The following MUC5AC variants were observed in gnomAD, a reference collection of about 807,000 sequenced individuals.
MUC5AC encodes mucin 5AC, oligomeric mucus/gel-forming, also known as mucin-5AC.
A neutral mutation model predicts 169.7 loss-of-function variants in MUC5AC; 158 were observed. That is an observed-to-expected ratio of 0.93 (90% CI 0.82 to 1.06). The LOEUF is 1.06. Among genes scored for constraint, MUC5AC ranks in the 50% least tolerant of loss-of-function variants. The pLI is 0.00. For synonymous variants in MUC5AC, 1,975 were observed against 1,237.0 expected (o/e 1.60, Z -12.52); for missense variants, 4,359 against 3,089.9 (o/e 1.41, Z -9.74).
rs1243330068 is a variant in MUC5AC, at chr11:1,163,987, G to T, written c.785G>T (p.Gly262Val). 3.7e-6 allele frequency: 6 copies of T among 1,610,320 alleles called. No homozygotes were observed. The highest frequency in any genetic ancestry group is 5.1e-6 in the Non-Finnish European group (6 of 1,178,872). ...VPEPPRNCSTGFGICEELLHG... is the reference protein window; with the variant it reads ...VPEPPRNCSTVFGICEELLHG... Reference sequence around the variant, plus strand: ...GAACCCCCGAGGAACTGCTCCACTGGCTTTGTAAGCCTTGGAGGGAACAGA... The same window carrying T: ...GAACCCCCGAGGAACTGCTCCACTGTCTTTGTAAGCCTTGGAGGGAACAGA... Residue 262 changes from glycine to valine, a missense_variant, in exon 7 of 49, where the codon GGC (glycine) becomes GTC (valine). Gly to Val is a moderately radical substitution (Grantham distance 109, BLOSUM62 -3). Coordinates refer to ENST00000621226, the MANE Select transcript of MUC5AC (RefSeq NM_001304359.2).
chr11:1,159,759 C>CG (rs2133711041), intron 1 of MUC5AC, among the ~76,000 whole-genome samples: 1 of 108,484 alleles, frequency 9.2e-6, no homozygotes. Context: ...TGGCTCTATG[C>CG]AGGGCTGTGC....
chr11:1,182,424 G>C lies in MUC5AC; in HGVS notation c.4279G>C (p.Val1427Leu). 2.5e-6 allele frequency: 1 copy of C among 398,640 alleles called. No individual in the cohort carries two copies. Among genetic ancestry groups the C allele is most frequent in the Non-Finnish European group, 4.4e-6 (1 of 226,072 alleles). The allele number at this position is 398,640 out of a possible 1,614,324, so 24.7% of individuals were successfully genotyped here. A position where few individuals can be genotyped will look rare whatever the true frequency, so the allele number is the denominator to read the frequency against. Residue 1427 changes from valine to leucine, a missense_variant, in exon 31 of 49, where the codon GTG becomes CTG. By Grantham distance (32) the Val-to-Leu change is conservative. Transcript: ENST00000621226. ...GYRVCESPRS[V>L]ECRAEDAPGV... The stretch of plus-strand genomic sequence containing the variant: ...CCGGGTGTGCGAATCACCCAGGTCG[G>C]TGGAGTGCCGAGCTGAGGACGCCCC...
At chr11:1,171,865 A>G (rs1333447900) in intron 15 of MUC5AC, among the ~76,000 whole-genome samples, 7 of 128,926 alleles carry the variant, frequency 5.4e-5, no homozygotes, top group East Asian at 2.3e-4. Context: ...CCATTCACTC[A>G]CTCACCCATT....
At chr11:1,175,658 A>T (rs1394700175) in intron 19 of MUC5AC, among the ~76,000 whole-genome samples, 1 of 134,760 alleles carries the variant, frequency 7.4e-6, no homozygotes, top group Non-Finnish European at 1.6e-5. Flanking sequence ...ACACCCACTC[A>T]TACACACGCA....
In MUC5AC at chr11:1,191,920, C is replaced by A. The variant is rs1293538976; in HGVS notation, c.13775C>A (p.Thr4592Asn). 1.3e-6 allele frequency: 1 copy of A among 764,992 alleles called. No homozygotes were observed. Among genetic ancestry groups the A allele is most frequent in the Non-Finnish European group, 2.4e-6 (1 of 417,762 alleles). The allele number at this position is 764,992 out of a possible 1,614,324, so 47.4% of individuals were successfully genotyped here. Residue 4592 changes from threonine to asparagine, a missense_variant, in exon 31 of 49, where the codon ACT becomes AAT. Thr to Asn is a moderately conservative substitution (Grantham distance 65). Coordinates refer to ENST00000621226, the MANE Select transcript of MUC5AC (RefSeq NM_001304359.2). ...TTSTTSGPGT[T>N]PSPVPTTSTT... ...AGCACGACCTCTGGTCCTGGAACTA[C>A]TCCCAGCCCCGTTCCCACCACCAGC... is the stretch of plus-strand genomic sequence containing the variant.
chr11:1,194,208 G>A lies in MUC5AC; in HGVS notation c.14854G>A (p.Val4952Met), dbSNP rs1861197940. The A allele has an allele frequency of 1.3e-6, 1 of 764,962 alleles. No homozygotes were observed. Among genetic ancestry groups the A allele is most frequent in the African/African-American group, 1.7e-5 (1 of 59,162 alleles). The allele number at this position is 764,962 out of a possible 1,614,324, so 47.4% of individuals were successfully genotyped here. ...CACGTACGTGCTGGTGCAGCAGATT[G>A]TGCCCGTGTATGGCCACTTCCGCGT... Reference protein sequence around the residue: ...NCTYVLVQQIVPVYGHFRVLV... With the variant: ...NCTYVLVQQIMPVYGHFRVLV... The change falls in exon 34 of 49, where the codon GTG becomes ATG. Residue 4952 changes from valine (V) to methionine (M), a missense_variant. By Grantham distance (21) the Val-to-Met change is conservative (BLOSUM62 1). Transcript: ENST00000621226.
intron 1 of MUC5AC, among the ~76,000 whole-genome samples, chr11:1,158,966 A>G (rs931550915): frequency 2.6e-5 from 4 of 152,116 alleles, no homozygotes; most frequent in Non-Finnish European, 1.5e-5. Context: ...CCTCGTCTGT[A>G]CCACCCTCAT....
In MUC5AC at chr11:1,182,722, C is replaced by T. The variant is rs1453607738; in HGVS notation, c.4577C>T (p.Ala1526Val). 2 of 398,474 alleles carry T rather than the reference C, an allele frequency of 5.0e-6. No homozygotes were observed. Among genetic ancestry groups the T allele is most frequent in the East Asian group, 3.6e-5 (1 of 28,066 alleles). The allele number at this position is 398,474 out of a possible 1,614,324, so 24.7% of individuals were successfully genotyped here. Residue 1526 changes from alanine (A) to valine (V), a missense_variant, in exon 31 of 49, where the codon GCC becomes GTC. Coordinates refer to ENST00000621226, the MANE Select transcript of MUC5AC (RefSeq NM_001304359.2). ...CTCTCTACAGCCAGGACGACACCTG[C>T]CCCAGGTACCGCTACCTCTGTCAAA... ...VSLSTARTTPAPGTATSVKKT... is the reference protein window; with the variant it reads ...VSLSTARTTPVPGTATSVKKT...
At chr11:1,197,008 G>T in intron 40 of MUC5AC, 100 bp downstream of exon 40, 1 of 686,144 alleles carries the variant, frequency 1.5e-6, no homozygotes, top group South Asian at 1.6e-5. Context: ...TGGGGCTCAG[G>T]GGTCGGGGTG....
rs1861072923 is a variant in MUC5AC, at chr11:1,190,856, T to C, written c.12711T>C (p.Ser4237=). ...PVPTTSTTSA[S]TTSTTSAPTT... is the part of the protein sequence containing the mutation. ...CCACCACCAGCACAACCTCTGCCTC[T>C]ACAACCAGCACAACTTCTGCTCCTA... Residue 4237 remains serine (S), a synonymous_variant, in exon 31 of 49, where the codon TCT becomes TCC. Coordinates refer to ENST00000621226, the MANE Select transcript of MUC5AC (RefSeq NM_001304359.2). 19 of 742,278 alleles carry C rather than the reference T, an allele frequency of 2.6e-5. No individual in the cohort carries two copies. The highest frequency in any genetic ancestry group is 2.5e-4 in the South Asian group (18 of 71,162). 46.0% of individuals were successfully genotyped at this position (742,278 alleles called of 1,614,324 possible).
Position 1,184,739 on chromosome 11 carries a change from G to A in MUC5AC, c.6594G>A (p.Gln2198=). ...EGLVCRNQDQ[Q]GPFKMCLNYE... ...TGGTGTGCCGGAACCAGGACCAGCA[G>A]GGACCCTTCAAGATGTGCCTCAACT... is the stretch of plus-strand genomic sequence containing the variant. The change falls in exon 31 of 49, where the codon CAG becomes CAA. Residue 2198 remains glutamine, a synonymous_variant. Transcript: ENST00000621226. 1.6e-6 allele frequency: 1 copy of A among 638,332 alleles called. No individual in the cohort carries two copies. Among genetic ancestry groups the A allele is most frequent in the Non-Finnish European group, 2.8e-6 (1 of 355,760 alleles). 39.5% of individuals were successfully genotyped at this position (638,332 alleles called of 1,614,324 possible). A position where few individuals can be genotyped will look rare whatever the true frequency, so the allele number is the denominator to read the frequency against.
intron 6 of MUC5AC, among the ~76,000 whole-genome samples, 192 bp from the exon 7 acceptor site, chr11:1,163,690 G>A (rs1860213760): frequency 6.6e-6 from 1 of 152,104 alleles, no homozygotes; most frequent in African/African-American, 2.4e-5. Context: ...ACCCCCTGAG[G>A]GTCCCAGCAG....
At chr11:1,194,764 T>TCTCTGCTTTCTGGCTG (rs1861218077) in intron 35 of MUC5AC, 94 bp downstream of exon 35, 1 of 639,972 alleles carries the variant, frequency 1.6e-6, no homozygotes, top group Non-Finnish European at 2.8e-6. Context: ...TGTGCCGGTG[T>TCTCTGCTTTCTGGCTG]CTCTGCTTTC....
intron 19 of MUC5AC, among the ~76,000 whole-genome samples, chr11:1,175,932 CTCAT>C (rs1564911349): frequency 9.8e-6 from 1 of 102,008 alleles, no homozygotes; most frequent in Non-Finnish European, 2.3e-5. Context: ...TGCACACACA[CTCAT>C]ACTCATGCAC....
chr11:1,162,934 C>T (rs758699013), intron 5 of MUC5AC, 21 bp from the exon 6 acceptor site: 2 of 1,607,222 alleles, frequency 1.2e-6, no homozygotes, highest in African/African-American at 2.7e-5. Context: ...GGATGGGTGT[C>T]TGATGTCTCT....
Position 1,191,715 on chromosome 11 carries a change from G to C in MUC5AC, c.13570G>C (p.Ala4524Pro), listed in dbSNP as rs1249580381. The C allele has an allele frequency of 1.4e-6, 1 of 708,588 alleles. No individual in the cohort carries two copies. The highest frequency in any genetic ancestry group is 2.6e-6 in the Non-Finnish European group (1 of 389,760). 43.9% of individuals were successfully genotyped at this position (708,588 alleles called of 1,614,324 possible). Residue 4524 changes from alanine to proline, a missense_variant, in exon 31 of 49, where the codon GCT becomes CCT. Transcript: ENST00000621226. Reference sequence around the variant, plus strand: ...TGTTCCCACCACCAGCACAACCTCTGCTCCTACAACCAGCACAACCTCTGC... The same window carrying C: ...TGTTCCCACCACCAGCACAACCTCTCCTCCTACAACCAGCACAACCTCTGC... ...SPVPTTSTTS[A>P]PTTSTTSAST... is the part of the protein sequence containing the mutation.
chr11:1,161,905 AG>A lies in MUC5AC; in HGVS notation c.212-1del. On this transcript the variant is annotated splice_acceptor_variant, in intron 3 of 48. Transcript: ENST00000621226. LOFTEE classifies it high-confidence loss of function. ...CCAAACACCATGCTGCTTCCACCGC[AG>A]CCTCCAACCCGGCGCACAACGGGCG... 1.9e-6 allele frequency: 3 copies of A among 1,610,906 alleles called. No individual in the cohort carries two copies. The highest frequency in any genetic ancestry group is 2.2e-5 in the South Asian group (2 of 90,702).
In MUC5AC at chr11:1,164,096, T is replaced by C; in HGVS notation, c.790-10T>C. 1 of 1,611,572 alleles carries C rather than the reference T, an allele frequency of 6.2e-7. No individual in the cohort carries two copies. Among genetic ancestry groups the C allele is most frequent in the African/African-American group, 1.3e-5 (1 of 75,004 alleles). On this transcript the variant is annotated splice_polypyrimidine_tract_variant and intron_variant, in intron 7 of 48. Transcript: ENST00000621226. Reference sequence around the variant, plus strand: ...CCGAGGACTCAGACGGGCTGTGGCCTTTGTCCTAGGGCATCTGTGAGGAGC... The same window carrying C: ...CCGAGGACTCAGACGGGCTGTGGCCCTTGTCCTAGGGCATCTGTGAGGAGC...
chr11:1,162,452 T>G, intron 4 of MUC5AC, 80 bp from the exon 5 acceptor site: 1 of 1,289,628 alleles, frequency 7.8e-7, no homozygotes, highest in Non-Finnish European at 1.1e-6. Flanking sequence ...CCGTGTCACA[T>G]TTGCGACCGC....
Sources: allele counts gnomAD v4.1 joint callset (sites outside exome capture counted in the v4.1 genomes callset), GRCh38; gene constraint gnomAD v4.1.1; transcripts MANE v1.5; gene names NCBI Gene and HGNC (gene_info 2026-07-23, HGNC 2026-07-21).